The following MGAT4C variants were observed in gnomAD, a reference collection of about 807,000 sequenced individuals.
MGAT4C encodes the protein alpha-1,3-mannosyl-glycoprotein 4-beta-N-acetylglucosaminyltransferase C.
A neutral mutation model predicts 40.1 loss-of-function variants in MGAT4C; 19 were observed. The ratio of observed to expected loss-of-function variants is 0.47; its 90% confidence interval spans 0.33 to 0.70. The LOEUF is 0.70. Among genes scored for constraint, MGAT4C ranks in the 30% least tolerant of loss-of-function variants. The pLI, the probability that MGAT4C is intolerant of heterozygous loss-of-function variation, is 0.02. For missense variants in MGAT4C, 491 were observed against 563.2 expected, an observed-to-expected ratio of 0.87 and a Z score of 1.30; for synonymous variants, 181 against 187.1, an observed-to-expected ratio of 0.97 and a Z score of 0.27.
intron 3 of MGAT4C, among the ~76,000 whole-genome samples, chr12:86,363,145 G>A (rs1029967465): frequency 1.3e-5 from 2 of 151,068 alleles, no homozygotes; most frequent in Non-Finnish European, 2.9e-5. Flanking sequence ...AATAAGCCAG[G>A]GTATATAATA....
intron 2 of MGAT4C, among the ~76,000 whole-genome samples, chr12:86,606,243 G>GTA (rs1962042883): frequency 6.6e-6 from 1 of 152,024 alleles, no homozygotes; most frequent in Admixed American, 6.6e-5. Flanking sequence ...AAGCTTAACC[G>GTA]TATCAGCAAC....
At chr12:86,455,911 G>A (rs1457808136) in intron 2 of MGAT4C, among the ~76,000 whole-genome samples, 3 of 151,770 alleles carry the variant, frequency 2.0e-5, no homozygotes, top group Non-Finnish European at 2.9e-5. Context: ...TATAACAAAC[G>A]CTTCTAATGT....
At chr12:86,061,961 A>C (rs1894023412) in intron 1 of MGAT4C, among the ~76,000 whole-genome samples, 1 of 152,056 alleles carries the variant, frequency 6.6e-6, no homozygotes. Context: ...AGCAGACTTA[A>C]ACTTCCCTCC....
chr12:86,381,861 C>A (rs553634537), intron 3 of MGAT4C, among the ~76,000 whole-genome samples: 2 of 152,078 alleles, frequency 1.3e-5, no homozygotes, highest in African/African-American at 4.8e-5. Context: ...CTCATGAGAT[C>A]TGATAGGTTT....
intron 2 of MGAT4C, among the ~76,000 whole-genome samples, chr12:86,464,145 A>G (rs1282793665): frequency 6.6e-6 from 1 of 152,252 alleles, no homozygotes; most frequent in East Asian, 1.9e-4. Flanking sequence ...GTAGCTTTAC[A>G]TTATTTTTTT....
At chr12:86,310,178 C>A (rs1280430043) in intron 4 of MGAT4C, among the ~76,000 whole-genome samples, 1 of 150,532 alleles carries the variant, frequency 6.6e-6, no homozygotes, top group East Asian at 1.9e-4. Flanking sequence ...TGCCTGAGGT[C>A]AGGCAGGTAA....
At chr12:86,584,756 T>A in intron 2 of MGAT4C, among the ~76,000 whole-genome samples, 1 of 151,324 alleles carries the variant, frequency 6.6e-6, no homozygotes, top group Admixed American at 6.6e-5. Context: ...AAGGTTATGA[T>A]TGCAACACTG....
intron 1 of MGAT4C, among the ~76,000 whole-genome samples, chr12:86,237,070 G>A (rs1256531116): frequency 6.6e-6 from 1 of 150,742 alleles, no homozygotes; most frequent in Non-Finnish European, 1.5e-5. Flanking sequence ...AAAGGTGGGG[G>A]AGAGAGAGAG....
chr12:86,727,427 G>A (rs1363832501), intron 1 of MGAT4C, among the ~76,000 whole-genome samples: 1 of 152,002 alleles, frequency 6.6e-6, no homozygotes, highest in Non-Finnish European at 1.5e-5. Flanking sequence ...TGGCAAGCTT[G>A]CAATATATAA....
chr12:86,161,826 A>C (rs916570550), intron 1 of MGAT4C, among the ~76,000 whole-genome samples: 3 of 152,200 alleles, frequency 2.0e-5, no homozygotes, highest in African/African-American at 7.2e-5. Flanking sequence ...CCTCATTAAA[A>C]AATGGGCAAA....
intron 1 of MGAT4C, among the ~76,000 whole-genome samples, chr12:86,159,109 C>G (rs1487159493): frequency 6.6e-6 from 1 of 152,054 alleles, no homozygotes; most frequent in East Asian, 1.9e-4. Flanking sequence ...TTGTCTTTTT[C>G]CAGTTCTCAA....
chr12:86,130,476 G>A (rs2934143), intron 1 of MGAT4C, among the ~76,000 whole-genome samples: 87,568 of 151,830 alleles, frequency 0.58, 25,516 homozygotes, highest in South Asian at 0.71. Flanking sequence ...ATAAAAAGTA[G>A]ATAATATAAG....
chr12:86,753,056 T>C (rs56753194), intron 1 of MGAT4C, among the ~76,000 whole-genome samples: 5,004 of 152,228 alleles, frequency 0.033, 276 homozygotes, highest in African/African-American at 0.11. Context: ...TAAACTAGAC[T>C]TCTTTAATGT....
chr12:86,804,333 G>A (rs941505629), intron 1 of MGAT4C, among the ~76,000 whole-genome samples: 4 of 146,604 alleles, frequency 2.7e-5, no homozygotes, highest in African/African-American at 1.0e-4. Context: ...GAGTTAGTGG[G>A]TGCAGCGCAC....
chr12:86,110,268 C>CTATATATATATAGACTATA, intron 1 of MGAT4C, among the ~76,000 whole-genome samples: 1 of 22,306 alleles, frequency 4.5e-5, no homozygotes, highest in South Asian at 1.3e-3. Flanking sequence ...TATATATAGA[C>CTATATATATATAGACTATA]TATATATATA....
At chr12:86,676,713 T>C (rs561508691) in intron 2 of MGAT4C, among the ~76,000 whole-genome samples, 4 of 152,242 alleles carry the variant, frequency 2.6e-5, no homozygotes, top group Middle Eastern at 6.8e-3. Context: ...ACTTTCATTT[T>C]GACTTGTCAG....
chr12:86,582,743 G>A (rs868408988), intron 2 of MGAT4C, among the ~76,000 whole-genome samples: 75 of 151,298 alleles, frequency 5.0e-4, no homozygotes, highest in African/African-American at 1.6e-3. Flanking sequence ...GTTCAATTAT[G>A]CTTAAATTAG....
rs182346885 is a variant in MGAT4C, at chr12:86,149,369, C to T, written c.-56-99646G>A. Among the ~76,000 whole-genome samples, 567 of 152,176 alleles carry T rather than the reference C, an allele frequency of 3.7e-3. 6 individuals carry two copies. The highest frequency in any genetic ancestry group is 4.4e-3 in the Non-Finnish European group (297 of 67,978). On this transcript the variant is annotated intron_variant, in intron 1 of 4. Coordinates refer to ENST00000611864, the MANE Select transcript of MGAT4C (RefSeq NM_001351288.2). ...TGACATGGCTATGTCATTTCAAGATCAGTCAAAATAGAAAAAATATGTACT... is the reference window on the plus strand; with the variant it reads ...TGACATGGCTATGTCATTTCAAGATTAGTCAAAATAGAAAAAATATGTACT...
intron 1 of MGAT4C, among the ~76,000 whole-genome samples, chr12:86,114,735 G>C (rs956738761): frequency 6.6e-6 from 1 of 151,808 alleles, no homozygotes; most frequent in Non-Finnish European, 1.5e-5. Context: ...GCTGAGATTT[G>C]ACAAACCATG....
Sources: gnomAD v4.1 joint callset for allele counts (sites outside exome capture counted in the v4.1 genomes callset) on GRCh38, gnomAD v4.1.1 for gene constraint, MANE v1.5 for transcripts, NCBI Gene and HGNC (gene_info 2026-07-23, HGNC 2026-07-21) for gene names.